Variants in TFDP2 observed in about 807,000 individuals in gnomAD.
The protein encoded by TFDP2 is transcription factor Dp-2 (E2F dimerization partner 2).
TFDP2 carries 17 observed loss-of-function variants against 59.3 expected under a neutral mutation model. That is an observed-to-expected ratio of 0.29 (90% confidence interval 0.20 to 0.43). The LOEUF is 0.43. Ranked by LOEUF, TFDP2 falls within the 20% of genes least tolerant of loss-of-function variation. The pLI, the probability that TFDP2 is intolerant of heterozygous loss-of-function variation, is 1.00. For synonymous variants in TFDP2, 180 were observed against 194.7 expected (o/e 0.92, Z 0.63); for missense variants, 391 against 528.8 (o/e 0.74, Z 2.56).
intron 3 of TFDP2, among the ~76,000 whole-genome samples, chr3:142,015,347 T>G (rs1410403191): frequency 6.6e-6 from 1 of 152,204 alleles, no homozygotes; most frequent in Non-Finnish European, 1.5e-5. Flanking sequence ...ATCTCCATTT[T>G]GATGTCTTAC....
At chr3:142,103,577 AATG>A (rs2061380338) in intron 1 of TFDP2, among the ~76,000 whole-genome samples, 1 of 152,202 alleles carries the variant, frequency 6.6e-6, no homozygotes, top group African/African-American at 2.4e-5. Flanking sequence ...CTTACTCTCA[AATG>A]ATGACAAAAT....
intron 3 of TFDP2, among the ~76,000 whole-genome samples, chr3:142,021,706 C>T (rs1945624641): frequency 6.6e-6 from 1 of 152,184 alleles, no homozygotes; most frequent in African/African-American, 2.4e-5. Context: ...TCTTCTCCAT[C>T]TTACCACATT....
rs71304115 is a variant in TFDP2 at position 142,009,548 on chromosome 3, C to T, written c.83-4004G>A. On this transcript the variant is annotated intron_variant, in intron 3 of 12. Coordinates refer to ENST00000489671, the MANE Select transcript of TFDP2 (RefSeq NM_001178139.2). Reference sequence around the variant, plus strand: ...CCAACATGGCGAAACCCTGTCTCTACTAAAAATACAAAAATTAGCCGGGCA... The same window carrying T: ...CCAACATGGCGAAACCCTGTCTCTATTAAAAATACAAAAATTAGCCGGGCA... Among the ~76,000 whole-genome samples, 619 of 151,954 alleles carry T rather than the reference C, an allele frequency of 4.1e-3. 4 individuals are homozygous for T. The highest frequency in any genetic ancestry group is 3.8e-3 in the Non-Finnish European group (258 of 67,930).
chr3:142,043,959 C>T (rs1187852958), intron 3 of TFDP2: 1 of 754,610 alleles, frequency 1.3e-6, no homozygotes, highest in Non-Finnish European at 2.4e-6. Flanking sequence ...TACCCTTCCG[C>T]TTACCTATGC....
intron 1 of TFDP2, among the ~76,000 whole-genome samples, chr3:142,103,237 C>CA (rs1010814271): frequency 2.0e-5 from 3 of 149,098 alleles, no homozygotes; most frequent in Non-Finnish European, 3.0e-5. Context: ...GACTCCTTCT[C>CA]AAAAAAAATT....
chr3:142,033,012 A>G (rs1376813402), intron 3 of TFDP2, among the ~76,000 whole-genome samples: 2 of 152,086 alleles, frequency 1.3e-5, no homozygotes, highest in Non-Finnish European at 2.9e-5. Flanking sequence ...CCTGGCCAAC[A>G]TGGTGAAACC....
At chr3:142,069,402 T>C (rs1264229566) in intron 3 of TFDP2, among the ~76,000 whole-genome samples, 1 of 152,234 alleles carries the variant, frequency 6.6e-6, no homozygotes, top group African/African-American at 2.4e-5. Context: ...AAGATTAACT[T>C]TTATTTCCTA....
At chr3:141,954,642 A>AC (rs397828632) in intron 11 of TFDP2, among the ~76,000 whole-genome samples, 67 of 151,602 alleles carry the variant, frequency 4.4e-4, no homozygotes, top group Admixed American at 8.5e-4. Flanking sequence ...ACAAAAAAAA[A>AC]CAAAAAAACA....
chr3:142,109,429 A>G (rs548099341), intron 1 of TFDP2, among the ~76,000 whole-genome samples: 3 of 150,280 alleles, frequency 2.0e-5, no homozygotes, highest in East Asian at 1.9e-4. Context: ...CCTGGGTTCA[A>G]GCGATCCTCC....
At chr3:141,956,933 C>T (rs112839270) in intron 11 of TFDP2, among the ~76,000 whole-genome samples, 1,996 of 82,976 alleles carry the variant, frequency 0.024, 54 homozygotes, top group African/African-American at 0.088. Context: ...CACCACCACC[C>T]TGCCCCACCC....
At chr3:142,087,702 A>G (rs2060848655) in intron 3 of TFDP2, among the ~76,000 whole-genome samples, 1 of 152,042 alleles carries the variant, frequency 6.6e-6, no homozygotes, top group Non-Finnish European at 1.5e-5. Flanking sequence ...GGGTTTTGCC[A>G]TGTTGCCCAG....
intron 3 of TFDP2, among the ~76,000 whole-genome samples, chr3:142,089,336 G>GA (rs537878105): frequency 6.0e-5 from 9 of 151,162 alleles, no homozygotes; most frequent in East Asian, 1.9e-4. Context: ...AGTGATAACT[G>GA]AAAAAAAATA....
intron 9 of TFDP2, among the ~76,000 whole-genome samples, chr3:141,964,733 C>A (rs1346539535): frequency 6.6e-6 from 1 of 152,120 alleles, no homozygotes; most frequent in African/African-American, 2.4e-5. Flanking sequence ...AGGTCCTAAG[C>A]TCTGCCATCT....
chr3:142,024,673 T>C (rs1317303875), intron 3 of TFDP2, among the ~76,000 whole-genome samples: 1 of 152,218 alleles, frequency 6.6e-6, no homozygotes, highest in East Asian at 1.9e-4. Context: ...AGTTCATACA[T>C]AAAGCAAGAA....
intron 3 of TFDP2, among the ~76,000 whole-genome samples, chr3:142,053,796 C>G (rs1290908456): frequency 6.6e-6 from 1 of 152,006 alleles, no homozygotes; most frequent in East Asian, 1.9e-4. Flanking sequence ...AAGACAATAA[C>G]AAGACAAACA....
At chr3:141,969,497 C>CGGGT (rs1939379251) in intron 9 of TFDP2, among the ~76,000 whole-genome samples, 22 of 151,428 alleles carry the variant, frequency 1.5e-4, no homozygotes, top group Admixed American at 1.4e-3. Flanking sequence ...CTTGTAATCC[C>CGGGT]AGCTACTTGG....
Position 142,142,715 on chromosome 3 carries a change from A to G in TFDP2, c.-93+6468T>C, listed in dbSNP as rs112716306. On this transcript the variant is annotated intron_variant, in intron 1 of 12. Coordinates refer to ENST00000489671, the MANE Select transcript of TFDP2 (RefSeq NM_001178139.2). ...CTGACTTCAATTATACTACAGAGCTATAGTAACCAAAACAGCATGGGACTG... is the reference window on the plus strand; with the variant it reads ...CTGACTTCAATTATACTACAGAGCTGTAGTAACCAAAACAGCATGGGACTG... Among the ~76,000 whole-genome samples the G allele has an allele frequency of 5.6e-3, 858 of 152,342 alleles. 10 individuals are homozygous for G. Among genetic ancestry groups the G allele is most frequent in the African/African-American group, 0.019 (806 of 41,588 alleles).
chr3:142,041,881 C>CT (rs904861308), intron 3 of TFDP2, among the ~76,000 whole-genome samples: 12 of 152,122 alleles, frequency 7.9e-5, no homozygotes, highest in African/African-American at 2.9e-4. Context: ...TGCATACGGA[C>CT]TTTGATTGTT....
chr3:142,096,364 T>C (rs2108630294), intron 2 of TFDP2, among the ~76,000 whole-genome samples: 1 of 152,310 alleles, frequency 6.6e-6, no homozygotes, highest in South Asian at 2.1e-4. Flanking sequence ...CATCCTAAAA[T>C]ATTAGCCATT....
Sources: gnomAD v4.1 joint callset for allele counts (sites outside exome capture counted in the v4.1 genomes callset) on GRCh38, gnomAD v4.1.1 for gene constraint, MANE v1.5 for transcripts, NCBI Gene and HGNC (gene_info 2026-07-23, HGNC 2026-07-21) for gene names.